ADCY9: variants seen among roughly 807,000 people sequenced by gnomAD.
ADCY9 encodes adenylate cyclase type 9.
ADCY9 carries 50 observed loss-of-function variants against 101.5 expected under a neutral mutation model. The ratio of observed to expected loss-of-function variants is 0.49; its 90% CI spans 0.39 to 0.62. ADCY9 has a LOEUF of 0.62. Among genes scored for constraint, ADCY9 ranks in the 20% least tolerant of loss-of-function variants. ADCY9 has a pLI of 0.00. For missense variants in ADCY9, 1,662 were observed against 1,800.4 expected (o/e 0.92, Z 1.39); for synonymous variants, 905 against 769.3 (o/e 1.18, Z -2.92).
intron 2 of ADCY9, among the ~76,000 whole-genome samples, chr16:4,098,505 A>T (rs1007171785): frequency 2.0e-5 from 3 of 152,056 alleles, no homozygotes; most frequent in Non-Finnish European, 2.9e-5. Context: ...AAGTGCTGGG[A>T]TTACAGGCAT....
intron 2 of ADCY9, among the ~76,000 whole-genome samples, chr16:4,067,788 CA>C (rs2056809628): frequency 6.6e-6 from 1 of 152,152 alleles, no homozygotes; most frequent in Non-Finnish European, 1.5e-5. Flanking sequence ...AACACTTTGC[CA>C]CTGTAGCTAA....
chr16:3,988,011 T>C (rs528472712), intron 6 of ADCY9, among the ~76,000 whole-genome samples: 1 of 146,900 alleles, frequency 6.8e-6, no homozygotes, highest in African/African-American at 2.7e-5. Context: ...AGGAGAGAGA[T>C]GGGTGTTGGG....
At chr16:3,971,020 T>C (rs962019988) in intron 10 of ADCY9, among the ~76,000 whole-genome samples, 1 of 152,068 alleles carries the variant, frequency 6.6e-6, no homozygotes, top group East Asian at 1.9e-4. Context: ...TGCCATTCCT[T>C]GATAAGAGCG....
intron 5 of ADCY9, among the ~76,000 whole-genome samples, chr16:3,955,786 T>C (rs1414247462): frequency 6.6e-6 from 1 of 151,996 alleles, no homozygotes; most frequent in Non-Finnish European, 1.5e-5. Flanking sequence ...CCTGACCCTG[T>C]GATTCACCTG....
intron 2 of ADCY9, among the ~76,000 whole-genome samples, chr16:4,090,962 G>T (rs1567144336): frequency 6.6e-6 from 1 of 151,988 alleles, no homozygotes; most frequent in Non-Finnish European, 1.5e-5. Flanking sequence ...ATAATGGCCA[G>T]CCACATCTAT....
chr16:3,967,209 T>C (rs2056006805), intron 10 of ADCY9, among the ~76,000 whole-genome samples: 1 of 152,110 alleles, frequency 6.6e-6, no homozygotes, highest in Non-Finnish European at 1.5e-5. Context: ...AGGCTGGTCT[T>C]GCACTCCTGG....
chr16:4,051,037 AC>A (rs2056697858), intron 2 of ADCY9, among the ~76,000 whole-genome samples: 1 of 151,688 alleles, frequency 6.6e-6, no homozygotes, highest in Non-Finnish European at 1.5e-5. Context: ...ACATGGTGAA[AC>A]CCCATCTCTA....
chr16:4,035,917 T>C (rs2056585796), intron 2 of ADCY9, among the ~76,000 whole-genome samples: 1 of 137,580 alleles, frequency 7.3e-6, no homozygotes, highest in Non-Finnish European at 1.5e-5. Flanking sequence ...GAGAATCACT[T>C]GAACCCGGAA....
At chr16:4,041,875 C>A (rs2141139406) in intron 2 of ADCY9, among the ~76,000 whole-genome samples, 1 of 150,620 alleles carries the variant, frequency 6.6e-6, no homozygotes, top group South Asian at 2.1e-4. Flanking sequence ...CCTCGGCCTC[C>A]CAAGTAGCTG....
intron 10 of ADCY9, among the ~76,000 whole-genome samples, chr16:3,970,491 T>A (rs1233909129): frequency 6.6e-6 from 1 of 152,080 alleles, no homozygotes; most frequent in Non-Finnish European, 1.5e-5. Flanking sequence ...CATACTTGGC[T>A]AATTTTTGTA....
rs868432804 is a variant in ADCY9, at chr16:4,057,047, C to T, written c.1694-49489G>A. On this transcript the variant is annotated intron_variant, in intron 2 of 10. Transcript: ENST00000294016. ...CTGTACTGATGAAACCGCCCCCCCCCCCCCCGCCAATCTTACTCTTCTGTT... is the reference window on the plus strand; with the variant it reads ...CTGTACTGATGAAACCGCCCCCCCCTCCCCCGCCAATCTTACTCTTCTGTT... 1.6e-3 allele frequency among the ~76,000 whole-genome samples: 231 copies of T among 142,558 alleles called. 11 individuals carry two copies. The highest frequency in any genetic ancestry group is 5.5e-3 in the African/African-American group (209 of 37,914). 93.5% of individuals were successfully genotyped at this position (142,558 alleles called of 152,430 possible). A position where few individuals can be genotyped will look rare whatever the true frequency, so the allele number is the denominator to read the frequency against.
At chr16:4,104,167 T>C (rs547865115) in intron 2 of ADCY9, among the ~76,000 whole-genome samples, 1 of 152,260 alleles carries the variant, frequency 6.6e-6, no homozygotes, top group South Asian at 2.1e-4. Context: ...ACTGACAGTA[T>C]TTGCCGCCAA....
intron 2 of ADCY9, among the ~76,000 whole-genome samples, chr16:4,097,629 C>A (rs111896658): frequency 7.0e-6 from 1 of 143,452 alleles, no homozygotes; most frequent in East Asian, 2.1e-4. Flanking sequence ...TCTCAGCAAC[C>A]TCCATCTCCT....
At chr16:3,984,346 A>G (rs928378668) in intron 6 of ADCY9, among the ~76,000 whole-genome samples, 1 of 152,158 alleles carries the variant, frequency 6.6e-6, no homozygotes, top group African/African-American at 2.4e-5. Flanking sequence ...CTGGGAACCT[A>G]CGGGGCCTGG....
chr16:4,061,960 G>C (rs1448005314), intron 2 of ADCY9, among the ~76,000 whole-genome samples: 1 of 152,158 alleles, frequency 6.6e-6, no homozygotes, highest in Non-Finnish European at 1.5e-5. Context: ...GAGGTAGATA[G>C]ACATAGACAT....
rs2056595350 is a variant in ADCY9 at position 4,037,104 on chromosome 16, C to T, written c.1694-29546G>A. On this transcript the variant is annotated intron_variant, in intron 2 of 10. Transcript: ENST00000294016. ...GCCAAGGTGGGACAATCGCTTGAGC[C>T]CCAGGAGTTCAAGACCAGCCTGGGC... Among the ~76,000 whole-genome samples the T allele has an allele frequency of 3.3e-5, 5 of 151,972 alleles. No individual in the cohort carries two copies. In the South Asian group the frequency reaches 6.2e-4, roughly 19 times the overall value.
At chr16:4,073,466 G>C (rs1259781382) in intron 2 of ADCY9, among the ~76,000 whole-genome samples, 1 of 151,220 alleles carries the variant, frequency 6.6e-6, no homozygotes, top group Non-Finnish European at 1.5e-5. Context: ...CGCGATCTCA[G>C]CTCACTGCAA....
chr16:4,112,719 T>TA (rs989152366), intron 2 of ADCY9, among the ~76,000 whole-genome samples: 5 of 151,942 alleles, frequency 3.3e-5, no homozygotes, highest in South Asian at 2.1e-4. Context: ...AGCAGGCTTT[T>TA]AAAAAAAATC....
chr16:4,050,189 T>C (rs1163404327), intron 2 of ADCY9, among the ~76,000 whole-genome samples: 1 of 151,888 alleles, frequency 6.6e-6, no homozygotes, highest in Non-Finnish European at 1.5e-5. Flanking sequence ...AAACAGTTAA[T>C]ATGATAAGAG....
Sources: gnomAD v4.1 joint callset for allele counts (sites outside exome capture counted in the v4.1 genomes callset) on GRCh38, gnomAD v4.1.1 for gene constraint, MANE v1.5 for transcripts, NCBI Gene and HGNC (gene_info 2026-07-23, HGNC 2026-07-21) for gene names.